Variants in ADAMTS17 observed in about 807,000 individuals in gnomAD.
ADAMTS17 encodes the protein ADAM metallopeptidase with thrombospondin type 1 motif 17, also known as A disintegrin and metalloproteinase with thrombospondin motifs 17.
A neutral mutation model predicts 141.5 loss-of-function variants in ADAMTS17; 113 were observed. That is an observed-to-expected ratio of 0.80 (90% CI 0.69 to 0.93). The LOEUF (loss-of-function observed/expected upper bound fraction) is 0.93. Ranked by LOEUF, ADAMTS17 falls within the 40% of genes least tolerant of loss-of-function variation. ADAMTS17 has a pLI of 0.00. For missense variants in ADAMTS17, 1,659 were observed against 1,517.9 expected (o/e 1.09, Z -1.54); for synonymous variants, 768 against 630.6 (o/e 1.22, Z -3.27).
Position 100,077,261 on chromosome 15 carries a change from TG to T in ADAMTS17, c.2137+19094del, listed in dbSNP as rs1240748375. Among the ~76,000 whole-genome samples, 3 of 110,790 alleles carry T rather than the reference TG, an allele frequency of 2.7e-5. No individual in the cohort carries two copies. The East Asian group carries it at 8.5e-4, about 31-fold the overall frequency. The allele number at this position is 110,790 out of a possible 152,430, so 72.7% of individuals were successfully genotyped here. A position where few individuals can be genotyped will look rare whatever the true frequency, so the allele number is the denominator to read the frequency against. On this transcript the variant is annotated intron_variant, in intron 15 of 21. Coordinates refer to ENST00000268070, the MANE Select transcript of ADAMTS17 (RefSeq NM_139057.4). The stretch of plus-strand genomic sequence containing the variant: ...GAGTTTGCAACCAGCCTGGCCAACA[TG>T]GTGAAACCCTATCTCTACCACAAAA...
intron 20 of ADAMTS17, among the ~76,000 whole-genome samples, chr15:99,988,315 GGTT>G: frequency 6.6e-6 from 1 of 152,084 alleles, no homozygotes; most frequent in South Asian, 2.1e-4. Flanking sequence ...ACCAAGAGCT[GGTT>G]GTTTAAAAAA....
intron 14 of ADAMTS17, among the ~76,000 whole-genome samples, chr15:100,106,167 C>G (rs550985271): frequency 1.2e-4 from 19 of 152,192 alleles, no homozygotes; most frequent in Non-Finnish European, 1.8e-4. Context: ...TGGATACTAG[C>G]TCTCTTTATG....
intron 8 of ADAMTS17, among the ~76,000 whole-genome samples, chr15:100,175,205 T>C (rs537515967): frequency 2.0e-5 from 3 of 152,346 alleles, no homozygotes; most frequent in South Asian, 4.1e-4. Flanking sequence ...AACTCTGATA[T>C]TGCCTTTTAT....
intron 15 of ADAMTS17, among the ~76,000 whole-genome samples, chr15:100,068,215 G>A (rs574977509): frequency 2.0e-5 from 3 of 152,274 alleles, no homozygotes; most frequent in East Asian, 1.9e-4. Context: ...AGGGGCGCCC[G>A]CCATTGTCCA....
intron 18 of ADAMTS17, among the ~76,000 whole-genome samples, chr15:100,048,589 ATTTTTT>A (rs3062438): frequency 1.3e-3 from 121 of 92,360 alleles, no homozygotes; most frequent in African/African-American, 4.0e-3. Context: ...GGTGATGGCC[ATTTTTT>A]TTTTTTTTTT....
chr15:100,093,794 C>T (rs1319803377), intron 15 of ADAMTS17, among the ~76,000 whole-genome samples: 1 of 152,130 alleles, frequency 6.6e-6, no homozygotes, highest in African/African-American at 2.4e-5. Flanking sequence ...GGTCCCCTCC[C>T]TCGACTGTAC....
chr15:100,317,605 C>G (rs2045605562), intron 3 of ADAMTS17, among the ~76,000 whole-genome samples: 1 of 152,134 alleles, frequency 6.6e-6, no homozygotes, highest in African/African-American at 2.4e-5. Flanking sequence ...GCAAGAAACA[C>G]CATGCGAGGT....
rs571052949 is a variant in ADAMTS17, at chr15:100,096,816, C to T, written c.2017-340G>A. Among the ~76,000 whole-genome samples, 13 of 152,352 alleles carry T rather than the reference C, an allele frequency of 8.5e-5. No homozygotes were observed. In the South Asian group the frequency reaches 2.5e-3, roughly 29 times the overall value. On this transcript the variant is annotated intron_variant, in intron 14 of 21. Coordinates refer to ENST00000268070, the MANE Select transcript of ADAMTS17 (RefSeq NM_139057.4). Reference sequence around the variant, plus strand: ...CAGAGACCCTGGGGAGAGAGTGAAGCCTGAACCCTCACACCAGCAGGTGCA... The same window carrying T: ...CAGAGACCCTGGGGAGAGAGTGAAGTCTGAACCCTCACACCAGCAGGTGCA...
chr15:100,142,945 C>G (rs1038075012), intron 10 of ADAMTS17, among the ~76,000 whole-genome samples: 14 of 152,224 alleles, frequency 9.2e-5, no homozygotes, highest in African/African-American at 3.4e-4. Context: ...GACATACAGG[C>G]ACATATATGC....
At chr15:100,216,544 C>G (rs113150177) in intron 7 of ADAMTS17, among the ~76,000 whole-genome samples, 6 of 152,342 alleles carry the variant, frequency 3.9e-5, no homozygotes, top group African/African-American at 1.4e-4. Context: ...CAGCGTATTA[C>G]AACGTCTGGA....
At chr15:100,179,646 T>A (rs2040457269) in intron 8 of ADAMTS17, among the ~76,000 whole-genome samples, 1 of 152,240 alleles carries the variant, frequency 6.6e-6, no homozygotes, top group Non-Finnish European at 1.5e-5. Flanking sequence ...GTGGTGGTAC[T>A]AATTTACATT....
intron 3 of ADAMTS17, among the ~76,000 whole-genome samples, chr15:100,314,908 G>A (rs549538177): frequency 5.6e-4 from 85 of 152,340 alleles, no homozygotes; most frequent in Non-Finnish European, 1.0e-3. Flanking sequence ...ACCCTGTTTG[G>A]AAGAAGGTGC....
At chr15:100,193,952 G>C (rs62036171) in intron 8 of ADAMTS17, among the ~76,000 whole-genome samples, 2,357 of 152,324 alleles carry the variant, frequency 0.015, 29 homozygotes, top group Middle Eastern at 0.054. Context: ...GACCTCCCGT[G>C]GTTTGGGCCG....
intron 10 of ADAMTS17, among the ~76,000 whole-genome samples, chr15:100,146,437 C>T (rs1399835205): frequency 6.6e-6 from 1 of 152,144 alleles, no homozygotes; most frequent in East Asian, 1.9e-4. Flanking sequence ...CAATCAATAC[C>T]CTTGTGATTT....
intron 10 of ADAMTS17, among the ~76,000 whole-genome samples, chr15:100,152,245 C>T (rs892292421): frequency 2.0e-5 from 3 of 152,146 alleles, no homozygotes; most frequent in Non-Finnish European, 2.9e-5. Flanking sequence ...CAGTGTCCTG[C>T]GTCTCTAGTG....
At chr15:100,113,446 C>T (rs1315372245) in intron 13 of ADAMTS17, among the ~76,000 whole-genome samples, 2 of 152,254 alleles carry the variant, frequency 1.3e-5, no homozygotes, top group African/African-American at 4.8e-5. Flanking sequence ...ATGGGGTGCT[C>T]TCCTGGAGCC....
chr15:100,138,996 G>T (rs117303442), intron 10 of ADAMTS17, among the ~76,000 whole-genome samples: 4 of 152,270 alleles, frequency 2.6e-5, no homozygotes, highest in South Asian at 2.1e-4. Flanking sequence ...AGGCGCATGG[G>T]GGGTATTTTG....
At chr15:100,093,666 C>T (rs563970938) in intron 15 of ADAMTS17, among the ~76,000 whole-genome samples, 1 of 152,192 alleles carries the variant, frequency 6.6e-6, no homozygotes, top group East Asian at 1.9e-4. Flanking sequence ...CTGGGGGCCA[C>T]CCTCAGCTTT....
At chr15:100,337,390 A>G (rs977365034) in intron 2 of ADAMTS17, among the ~76,000 whole-genome samples, 12 of 152,232 alleles carry the variant, frequency 7.9e-5, no homozygotes, top group African/African-American at 2.9e-4. Flanking sequence ...AGTGATTCCA[A>G]ATAAGAGTCC....
Sources: allele counts gnomAD v4.1 joint callset (sites outside exome capture counted in the v4.1 genomes callset), GRCh38; gene constraint gnomAD v4.1.1; transcripts MANE v1.5; gene names NCBI Gene and HGNC (gene_info 2026-07-23, HGNC 2026-07-21).